Variants in MBIP observed in about 807,000 individuals in gnomAD.
MBIP encodes MAP3K12 binding inhibitory protein 1.
MBIP carries 32 observed loss-of-function variants against 45.7 expected under a neutral mutation model. The ratio of observed to expected loss-of-function variants is 0.70; its 90% confidence interval spans 0.53 to 0.94. The LOEUF is 0.94. MBIP is among the 40% of genes least tolerant of loss of function. The probability of loss-of-function intolerance (pLI) is 0.00; values close to 1 mark genes in which losing one functional copy is unlikely to be tolerated. For synonymous variants in MBIP, 145 were observed against 141.0 expected, an observed-to-expected ratio of 1.03 and a Z score of -0.20; for missense variants, 381 against 405.5, an observed-to-expected ratio of 0.94 and a Z score of 0.52.
rs1293904918 is a variant in MBIP at position 36,311,587 on chromosome 14, A to G, written c.776T>C (p.Leu259Ser). Residue 259 changes from leucine (L) to serine (S), a missense_variant, in exon 6 of 9, where the codon TTG (leucine) becomes TCG (serine). By Grantham distance (145) the Leu-to-Ser change is moderately radical. Transcript: ENST00000416007. ...EERLQNIEAH[L>S]RLQTGGPVPR... ...ACTTTGCTTACCTGTCTGTAACCGC[A>G]AGTGGGCCTCAATATTTTGTAGTCG... 6.2e-7 allele frequency: 1 copy of G among 1,611,482 alleles called. No individual in the cohort carries two copies. The highest frequency in any genetic ancestry group is 1.3e-5 in the African/African-American group (1 of 74,886).
chr14:36,306,219 G>A (rs571030525), intron 7 of MBIP, among the ~76,000 whole-genome samples: 47 of 151,918 alleles, frequency 3.1e-4, no homozygotes, highest in African/African-American at 1.1e-3. Context: ...TTATGATGTG[G>A]AGGGCTTTTT....
At chr14:36,310,148 C>G (rs1189633301) in intron 6 of MBIP, among the ~76,000 whole-genome samples, 1 of 152,166 alleles carries the variant, frequency 6.6e-6, no homozygotes, top group East Asian at 1.9e-4. Context: ...TCCTTTTATA[C>G]AGTGGCATTT....
chr14:36,300,760 C>G, intron 8 of MBIP, 25 bp downstream of exon 8: 1 of 1,520,474 alleles, frequency 6.6e-7, no homozygotes, highest in Non-Finnish European at 8.9e-7. Flanking sequence ...ATTTCAGAAA[C>G]CAAAATGAAA....
At chr14:36,309,311 A>G (rs893924702) in intron 6 of MBIP, among the ~76,000 whole-genome samples, 1 of 151,992 alleles carries the variant, frequency 6.6e-6, no homozygotes, top group Non-Finnish European at 1.5e-5. Context: ...CATTCAGTAT[A>G]TTTTCTTTCT....
At chr14:36,317,014 C>T (rs562874792) in intron 1 of MBIP, among the ~76,000 whole-genome samples, 15 of 152,154 alleles carry the variant, frequency 9.9e-5, no homozygotes, top group African/African-American at 3.4e-4. Flanking sequence ...AAAACAAAAA[C>T]AAAATGACAT....
chr14:36,320,359 C>A, intron 1 of MBIP, 101 bp downstream of exon 1: 1 of 1,554,020 alleles, frequency 6.4e-7, no homozygotes, highest in Non-Finnish European at 8.8e-7. Flanking sequence ...GCATCCCACA[C>A]CTCTGCAGGC....
At chr14:36,310,756 A>G (rs1328566557) in intron 6 of MBIP, among the ~76,000 whole-genome samples, 1 of 152,206 alleles carries the variant, frequency 6.6e-6, no homozygotes, top group East Asian at 1.9e-4. Context: ...AAAAGCATGG[A>G]CAGAAGGGCA....
intron 7 of MBIP, among the ~76,000 whole-genome samples, chr14:36,303,451 C>T (rs1177531115): frequency 6.6e-6 from 1 of 152,114 alleles, no homozygotes; most frequent in Non-Finnish European, 1.5e-5. Context: ...AGATGGTACA[C>T]ACCTAGGCTA....
chr14:36,306,429 T>G (rs576915874), intron 7 of MBIP, among the ~76,000 whole-genome samples: 1 of 152,028 alleles, frequency 6.6e-6, no homozygotes, highest in Non-Finnish European at 1.5e-5. Context: ...TTATTTTTTT[T>G]ATTTTTTATT....
intron 7 of MBIP, among the ~76,000 whole-genome samples, chr14:36,303,157 T>C (rs1378326335): frequency 2.0e-5 from 3 of 152,242 alleles, no homozygotes; most frequent in Non-Finnish European, 2.9e-5. Flanking sequence ...TTAGACTTAA[T>C]AATATTTTCA....
At chr14:36,300,149 T>TA (rs539111182) in intron 8 of MBIP, among the ~76,000 whole-genome samples, 1 of 152,098 alleles carries the variant, frequency 6.6e-6, no homozygotes, top group Non-Finnish European at 1.5e-5. Context: ...TAATCAATAG[T>TA]AAAAAAAGTT....
In MBIP at chr14:36,299,131, G is replaced by A. The variant is rs1879374346; in HGVS notation, c.987C>T (p.Leu329=). 19 of 1,613,728 alleles carry A rather than the reference G, an allele frequency of 1.2e-5. No individual in the cohort carries two copies. Among genetic ancestry groups the A allele is most frequent in the Non-Finnish European group, 1.4e-5 (17 of 1,179,832 alleles). ...EKISALKQAL[L]RKSREAESMA... Reference sequence around the variant, plus strand: ...TGGATTCTGCTTCTCTTGATTTTCTGAGGAGGGCTTGTTTGAGGGCACTAA... The same window carrying A: ...TGGATTCTGCTTCTCTTGATTTTCTAAGGAGGGCTTGTTTGAGGGCACTAA... The change falls in exon 9 of 9, where the codon CTC becomes CTT. Residue 329 remains leucine (L), a synonymous_variant. Transcript: ENST00000416007.
intron 1 of MBIP, among the ~76,000 whole-genome samples, chr14:36,317,361 C>A (rs534109191): frequency 1.3e-5 from 2 of 152,128 alleles, no homozygotes; most frequent in African/African-American, 4.8e-5. Flanking sequence ...ATTTAAAAGT[C>A]AAGATTATTC....
chr14:36,301,543 T>C (rs1384666474), intron 7 of MBIP, among the ~76,000 whole-genome samples: 4 of 152,244 alleles, frequency 2.6e-5, no homozygotes, highest in African/African-American at 9.6e-5. Flanking sequence ...TGTAGCCATC[T>C]TGCCATCTGC....
chr14:36,320,276 C>A (rs1013387708), intron 1 of MBIP, among the ~76,000 whole-genome samples, 184 bp downstream of exon 1: 8 of 152,152 alleles, frequency 5.3e-5, no homozygotes, highest in African/African-American at 1.9e-4. Context: ...ACTCTGCAAC[C>A]GGTACCGCCG....
At chr14:36,303,683 C>T (rs998612080) in intron 7 of MBIP, among the ~76,000 whole-genome samples, 3 of 152,164 alleles carry the variant, frequency 2.0e-5, no homozygotes, top group South Asian at 2.1e-4. Context: ...GTCATACACA[C>T]GTTCACGCAC....
Position 36,300,807 on chromosome 14 carries a change from C to CT in MBIP, c.904dup (p.Arg302LysfsTer15). On this transcript the variant is annotated frameshift_variant, in exon 8 of 9. Coordinates refer to ENST00000416007, the MANE Select transcript of MBIP (RefSeq NM_016586.3). LOFTEE classifies it high-confidence loss of function. ...TACTTGAGGTGGTTGAACTTTTCTT[C>CT]TTTTTCCAGAAAAGCTCTAGATTAA... The CT allele has an allele frequency of 6.5e-7, 1 of 1,540,664 alleles. No homozygotes were observed. Among genetic ancestry groups the CT allele is most frequent in the Admixed American group, 2.0e-5 (1 of 51,054 alleles).
At chr14:36,316,847 T>A in intron 1 of MBIP, 35 bp from the exon 2 acceptor site, 2 of 1,586,624 alleles carry the variant, frequency 1.3e-6, no homozygotes, top group Non-Finnish European at 1.7e-6. Context: ...TCACAAAAAT[T>A]ACACGATTAA....
At chr14:36,301,340 C>G (rs1271476308) in intron 7 of MBIP, among the ~76,000 whole-genome samples, 1 of 152,202 alleles carries the variant, frequency 6.6e-6, no homozygotes, top group African/African-American at 2.4e-5. Context: ...GTGGCCCAAG[C>G]CAATGGCTTC....
Sources: gnomAD v4.1 joint callset for allele counts (sites outside exome capture counted in the v4.1 genomes callset) on GRCh38, gnomAD v4.1.1 for gene constraint, MANE v1.5 for transcripts, NCBI Gene and HGNC (gene_info 2026-07-23, HGNC 2026-07-21) for gene names.